The following RBFOX1 variants were observed in gnomAD, a reference collection of about 807,000 sequenced individuals.
RBFOX1 encodes RNA binding protein fox-1 homolog 1.
RBFOX1 carries 8 observed loss-of-function variants against 57.7 expected under a neutral mutation model. The ratio of observed to expected loss-of-function variants is 0.14; its 90% CI spans 0.08 to 0.25. The LOEUF is 0.25. Ranked by LOEUF, RBFOX1 falls within the 10% of genes least tolerant of loss-of-function variation. RBFOX1 has a pLI of 1.00. For synonymous variants in RBFOX1, 326 were observed against 222.4 expected (o/e 1.47, Z -4.15); for missense variants, 611 against 548.5 (o/e 1.11, Z -1.14).
Position 6,800,013 on chromosome 16 carries a change from C to T in RBFOX1, c.-16+145363C>T, listed in dbSNP as rs78642627. On this transcript the variant is annotated intron_variant, in intron 3 of 15. Coordinates refer to ENST00000550418, the MANE Select transcript of RBFOX1 (RefSeq NM_018723.4). The stretch of plus-strand genomic sequence containing the variant: ...ATTAAACACATATATCCTATTAGTT[C>T]TGTCCCTCTGGAGAACCCTAATACA... Among the ~76,000 whole-genome samples, 744 of 152,254 alleles carry T rather than the reference C, an allele frequency of 4.9e-3. 25 individuals carry two copies. The East Asian group carries it at 0.079, about 16-fold the overall frequency.
In RBFOX1 at chr16:7,295,494, T is replaced by G. The variant is rs373758159; in HGVS notation, c.28-222653T>G. 5.0e-4 allele frequency among the ~76,000 whole-genome samples: 76 copies of G among 152,278 alleles called. 2 individuals carry two copies. In the South Asian group the frequency reaches 0.016, roughly 31 times the overall value. ...TTTATGACTTATATATATTACATGATTTTATCTTTCAACAACTTAGGAAGG... is the reference window on the plus strand; with the variant it reads ...TTTATGACTTATATATATTACATGAGTTTATCTTTCAACAACTTAGGAAGG... On this transcript the variant is annotated intron_variant, in intron 4 of 15. Transcript: ENST00000550418.
chr16:5,315,485 G>A (rs993016796), intron 1 of RBFOX1, among the ~76,000 whole-genome samples: 1 of 152,120 alleles, frequency 6.6e-6, no homozygotes, highest in Non-Finnish European at 1.5e-5. Flanking sequence ...CCCGGGGAAC[G>A]GGGTCTGCGT....
At chr16:6,026,548 G>C (rs2095198768) in intron 1 of RBFOX1, among the ~76,000 whole-genome samples, 1 of 152,214 alleles carries the variant, frequency 6.6e-6, no homozygotes, top group Non-Finnish European at 1.5e-5. Flanking sequence ...GGGAGGGTGG[G>C]AGGCAATGTG....
At chr16:7,033,140 A>G (rs548295021) in intron 3 of RBFOX1, among the ~76,000 whole-genome samples, 33 of 152,302 alleles carry the variant, frequency 2.2e-4, no homozygotes, top group African/African-American at 7.7e-4. Context: ...AGGAAAGTGC[A>G]GTAAGCAGGT....
intron 4 of RBFOX1, among the ~76,000 whole-genome samples, chr16:7,166,109 A>AAGTGATACTTCTGCCTCCGGGG (rs2079456002): frequency 6.6e-6 from 1 of 151,820 alleles, no homozygotes; most frequent in East Asian, 1.9e-4. Flanking sequence ...TGCCTCCGGG[A>AAGTGATACTTCTGCCTCCGGGG]TTCAAGTGAT....
At chr16:7,599,608 G>C (rs1444963483) in intron 9 of RBFOX1, among the ~76,000 whole-genome samples, 4 of 150,246 alleles carry the variant, frequency 2.7e-5, no homozygotes, top group East Asian at 2.0e-4. Context: ...GCAACATTGA[G>C]GCTAGAGAAG....
At chr16:7,042,961 T>G (rs1298882208) in intron 3 of RBFOX1, among the ~76,000 whole-genome samples, 1 of 152,152 alleles carries the variant, frequency 6.6e-6, no homozygotes, top group Non-Finnish European at 1.5e-5. Flanking sequence ...TTAAAACAAT[T>G]ACTTTCCTAG....
At chr16:5,408,976 G>T (rs1250744181) in intron 1 of RBFOX1, among the ~76,000 whole-genome samples, 2 of 152,252 alleles carry the variant, frequency 1.3e-5, no homozygotes, top group African/African-American at 2.4e-5. Context: ...TTACAGTTCA[G>T]TGTGAGATTT....
At chr16:5,756,437 G>A (rs891191261) in intron 3 of RBFOX1, among the ~76,000 whole-genome samples, 3 of 152,074 alleles carry the variant, frequency 2.0e-5, no homozygotes, top group African/African-American at 7.2e-5. Flanking sequence ...TTTCTTCAGG[G>A]ATCACCTTTG....
intron 2 of RBFOX1, among the ~76,000 whole-genome samples, chr16:6,350,094 A>G (rs115758982): frequency 0.014 from 2,153 of 152,258 alleles, 51 homozygotes; most frequent in African/African-American, 0.049. Flanking sequence ...AAATCATGCA[A>G]TTGATATTGG....
At chr16:5,941,818 C>A (rs764542990) in intron 4 of RBFOX1, among the ~76,000 whole-genome samples, 2 of 151,792 alleles carry the variant, frequency 1.3e-5, no homozygotes, top group African/African-American at 2.4e-5. Context: ...TTGCTCCGTG[C>A]GAAATAGACA....
intron 1 of RBFOX1, among the ~76,000 whole-genome samples, chr16:6,158,086 C>A (rs1296535068): frequency 6.6e-6 from 1 of 152,110 alleles, no homozygotes; most frequent in East Asian, 1.9e-4. Context: ...GGGAGATTCC[C>A]CGAGATAAAA....
chr16:6,973,379 C>T (rs1394285816), intron 3 of RBFOX1, among the ~76,000 whole-genome samples: 1 of 152,132 alleles, frequency 6.6e-6, no homozygotes, highest in Non-Finnish European at 1.5e-5. Context: ...AGAGATAATT[C>T]AACTATAAGA....
At chr16:6,563,568 G>A (rs1252155190) in intron 2 of RBFOX1, among the ~76,000 whole-genome samples, 3 of 152,198 alleles carry the variant, frequency 2.0e-5, no homozygotes, top group Non-Finnish European at 4.4e-5. Context: ...AGATGGCTGG[G>A]TGTGGTGGCT....
Position 7,011,259 on chromosome 16 carries a change from T to C in RBFOX1, c.-15-40798T>C, listed in dbSNP as rs898998387. On this transcript the variant is annotated intron_variant, in intron 3 of 15. Transcript: ENST00000550418. Reference sequence around the variant, plus strand: ...TAAGGGCTTTTGCAACATTAACTTATGTAATTCTTTTAATGATTCTGAGGT... The same window carrying C: ...TAAGGGCTTTTGCAACATTAACTTACGTAATTCTTTTAATGATTCTGAGGT... Among the ~76,000 whole-genome samples, 4 of 152,178 alleles carry C rather than the reference T, an allele frequency of 2.6e-5. No homozygotes were observed. The East Asian group carries it at 5.8e-4, about 22-fold the overall frequency.
chr16:5,436,555 T>C (rs1207239671), intron 1 of RBFOX1, among the ~76,000 whole-genome samples: 1 of 152,178 alleles, frequency 6.6e-6, no homozygotes, highest in Admixed American at 6.5e-5. Context: ...AAGAAAATAA[T>C]TCTGGCCAGG....
intron 2 of RBFOX1, among the ~76,000 whole-genome samples, chr16:6,595,718 T>C (rs769891117): frequency 6.6e-6 from 1 of 152,126 alleles, no homozygotes. Context: ...TCACGAATAC[T>C]TGTTATTATT....
In RBFOX1 at chr16:7,222,614, C is replaced by T. The variant is rs372531586; in HGVS notation, c.27+170516C>T. On this transcript the variant is annotated intron_variant, in intron 4 of 15. Coordinates refer to ENST00000550418, the MANE Select transcript of RBFOX1 (RefSeq NM_018723.4). ...GCCTGGGTTCAAATCTCCTCTCTGC[C>T]GCTTATGATCTGTGTGCATTTACAA... Among the ~76,000 whole-genome samples, 67 of 152,270 alleles carry T rather than the reference C, an allele frequency of 4.4e-4. 1 individual carries two copies. The South Asian group carries it at 0.013, about 30-fold the overall frequency.
intron 3 of RBFOX1, among the ~76,000 whole-genome samples, chr16:6,886,095 C>T (rs956217650): frequency 6.1e-5 from 9 of 148,422 alleles, no homozygotes; most frequent in Non-Finnish European, 1.2e-4. Flanking sequence ...CGGAGTCTCG[C>T]TCTGTCACCA....
Sources: allele counts gnomAD v4.1 joint callset (sites outside exome capture counted in the v4.1 genomes callset), GRCh38; gene constraint gnomAD v4.1.1; transcripts MANE v1.5; gene names NCBI Gene and HGNC (gene_info 2026-07-23, HGNC 2026-07-21).